Variants in ANO1 observed in about 807,000 individuals in gnomAD.
ANO1 encodes the protein anoctamin-1.
ANO1 carries 59 observed loss-of-function variants against 124.0 expected under a neutral mutation model. That is an observed-to-expected ratio of 0.48 (90% confidence interval 0.39 to 0.59). The LOEUF is 0.59. ANO1 is among the 20% of genes least tolerant of loss of function. The pLI, the probability that ANO1 is intolerant of heterozygous loss-of-function variation, is 0.00. For missense variants in ANO1, 1,059 were observed against 1,328.0 expected, an observed-to-expected ratio of 0.80 and a Z score of 3.15; for synonymous variants, 529 against 532.0, an observed-to-expected ratio of 0.99 and a Z score of 0.08.
chr11:70,059,636 G>C (rs1010735276), intron 1 of ANO1, among the ~76,000 whole-genome samples: 8 of 152,202 alleles, frequency 5.3e-5, no homozygotes, highest in South Asian at 2.1e-4. Context: ...AGCCTTGGGG[G>C]CTAGTGGCAT....
chr11:70,133,097 G>A (rs2046826017), intron 11 of ANO1, among the ~76,000 whole-genome samples: 1 of 152,194 alleles, frequency 6.6e-6, no homozygotes, highest in African/African-American at 2.4e-5. Context: ...GGCTCCCGGG[G>A]CCAGAATAGC....
rs200322701 is a variant in ANO1 at position 70,105,765 on chromosome 11, G to A, written c.724G>A (p.Asp242Asn). 1.2e-4 allele frequency: 189 copies of A among 1,613,324 alleles called. No homozygotes were observed. The highest frequency in any genetic ancestry group is 9.5e-4 in the African/African-American group (71 of 74,844). The change falls in exon 5 of 26, where the codon GAC becomes AAC. Residue 242 changes from aspartate to asparagine, a missense_variant. By Grantham distance (23) the Asp-to-Asn change is conservative. Coordinates refer to ENST00000355303, the MANE Select transcript of ANO1 (RefSeq NM_018043.7). ...FDLSDKDSFF[D>N]SKTRSTIVYE... ...CTTGTCTGATAAGGATTCCTTTTTC[G>A]ACAGCAAAACCCGGAGCACGATTGT...
chr11:70,000,900 G>C (rs1238472758), intron 1 of ANO1, among the ~76,000 whole-genome samples: 2 of 151,012 alleles, frequency 1.3e-5, no homozygotes, highest in Non-Finnish European at 2.9e-5. Context: ...AACAAAAAAG[G>C]CCAGCACAAA....
chr11:70,185,818 G>A (rs1427661637), intron 25 of ANO1, 123 bp downstream of exon 25: 2 of 1,078,936 alleles, frequency 1.9e-6, no homozygotes, highest in Non-Finnish European at 2.7e-6. Flanking sequence ...CCAGAGGCTT[G>A]GAGAACTTGC....
At chr11:70,026,192 ATGG>A (rs1359407722) in intron 1 of ANO1, among the ~76,000 whole-genome samples, 29 of 148,306 alleles carry the variant, frequency 2.0e-4, no homozygotes, top group Non-Finnish European at 3.4e-4. Flanking sequence ...GATGATGATG[ATGG>A]TGGTGGTGAT....
At chr11:70,026,761 C>T (rs1038033115) in intron 1 of ANO1, among the ~76,000 whole-genome samples, 5 of 152,114 alleles carry the variant, frequency 3.3e-5, no homozygotes, top group African/African-American at 1.2e-4. Context: ...TTCTGAGCTG[C>T]GGATCCTGCA....
chr11:70,007,773 G>A (rs569013183), intron 1 of ANO1, among the ~76,000 whole-genome samples: 1 of 152,288 alleles, frequency 6.6e-6, no homozygotes, highest in Non-Finnish European at 1.5e-5. Flanking sequence ...GAGACACCCA[G>A]CAATGGGATT....
At chr11:70,015,370 C>T (rs34997407) in intron 1 of ANO1, among the ~76,000 whole-genome samples, 15,858 of 152,092 alleles carry the variant, frequency 0.1, 1,075 homozygotes, top group African/African-American at 0.19. Context: ...CCAGGTGCTC[C>T]CTGCCCTCAG....
At chr11:70,163,262 C>A in intron 18 of ANO1, 21 bp from the exon 19 acceptor site, 1 of 1,611,110 alleles carries the variant, frequency 6.2e-7, no homozygotes, top group Non-Finnish European at 8.5e-7. Context: ...TTTTCTCTAA[C>A]GACCTCCCCC....
rs559690833 is a variant in ANO1 at position 70,033,217 on chromosome 11, C to G, written c.59-45325C>G. On this transcript the variant is annotated intron_variant, in intron 1 of 27. Transcript: ENST00000531349. ...CCCTGCCAAGGGACCTGCTTGCTCCCGTTTTCCTGACAAGGAAGCTGAGAC... is the reference window on the plus strand; with the variant it reads ...CCCTGCCAAGGGACCTGCTTGCTCCGGTTTTCCTGACAAGGAAGCTGAGAC... Among the ~76,000 whole-genome samples, 37 of 152,100 alleles carry G rather than the reference C, an allele frequency of 2.4e-4. 1 individual carries two copies. The highest frequency in any genetic ancestry group is 8.7e-4 in the African/African-American group (36 of 41,402).
At chr11:70,011,145 G>A (rs1210634447) in intron 1 of ANO1, among the ~76,000 whole-genome samples, 1 of 152,214 alleles carries the variant, frequency 6.6e-6, no homozygotes, top group Non-Finnish European at 1.5e-5. Context: ...GAATGAGTAG[G>A]AGTTAGGCAG....
intron 1 of ANO1, among the ~76,000 whole-genome samples, chr11:70,085,214 T>A (rs2044325695): frequency 6.6e-6 from 1 of 152,086 alleles, no homozygotes; most frequent in Non-Finnish European, 1.5e-5. Context: ...AGGCCCCCCG[T>A]GCTGGCTACA....
At chr11:69,992,829 C>T (rs182220943) in intron 1 of ANO1, among the ~76,000 whole-genome samples, 92 of 152,308 alleles carry the variant, frequency 6.0e-4, no homozygotes, top group Non-Finnish European at 1.1e-3. Flanking sequence ...CAGCACTGGG[C>T]ACACATGCCA....
the ANO1 span, among the ~76,000 whole-genome samples, chr11:69,966,874 C>T: frequency 6.6e-6 from 1 of 152,158 alleles, no homozygotes; most frequent in Admixed American, 6.5e-5. Flanking sequence ...TGAGTTGATG[C>T]AAGCACCTTC....
intron 2 of ANO1, among the ~76,000 whole-genome samples, chr11:70,101,252 G>A (rs2045260044): frequency 6.6e-6 from 1 of 151,948 alleles, no homozygotes; most frequent in African/African-American, 2.4e-5. Context: ...GCTCTCGCTG[G>A]GTACATTGAC....
chr11:70,048,843 G>T (rs1382614476), intron 1 of ANO1, among the ~76,000 whole-genome samples: 1 of 152,120 alleles, frequency 6.6e-6, no homozygotes, highest in Non-Finnish European at 1.5e-5. Context: ...CCCTTGGGGG[G>T]GCCTACTTGC....
rs990763890 is a variant in ANO1 at position 70,090,640 on chromosome 11, G to C, written c.441+2556G>C. On this transcript the variant is annotated intron_variant, in intron 2 of 25. Transcript: ENST00000355303. Reference sequence around the variant, plus strand: ...AAGGACGAGAAAAGACCCTTTCCAAGTCTCATTAAATACTATCTCATAAAT... The same window carrying C: ...AAGGACGAGAAAAGACCCTTTCCAACTCTCATTAAATACTATCTCATAAAT... 3.3e-5 allele frequency among the ~76,000 whole-genome samples: 5 copies of C among 152,154 alleles called. No homozygotes were observed. The East Asian group carries it at 7.7e-4, about 23-fold the overall frequency.
chr11:70,163,588 C>T (rs1189226227), intron 19 of ANO1: 18 of 604,376 alleles, frequency 3.0e-5, no homozygotes, highest in Non-Finnish European at 4.7e-5. Context: ...AAAAACACAA[C>T]ATCTGGTTTT....
chr11:69,972,030 G>T, the ANO1 span, among the ~76,000 whole-genome samples: 1 of 151,348 alleles, frequency 6.6e-6, no homozygotes, highest in African/African-American at 2.4e-5. Flanking sequence ...AGACCAGCCT[G>T]CCCAATATGG....
Sources: gnomAD v4.1 joint callset for allele counts (sites outside exome capture counted in the v4.1 genomes callset) on GRCh38, gnomAD v4.1.1 for gene constraint, MANE v1.5 for transcripts, NCBI Gene and HGNC (gene_info 2026-07-23, HGNC 2026-07-21) for gene names.